SLC6A20: variants seen among roughly 807,000 people sequenced by gnomAD.
The protein encoded by SLC6A20 is solute carrier family 6 member 20.
Under a neutral mutation model 64.3 loss-of-function variants are expected in SLC6A20, and 73 were observed. The ratio of observed to expected loss-of-function variants is 1.14; its 90% confidence interval spans 0.94 to 1.38. The LOEUF (loss-of-function observed/expected upper bound fraction) is 1.38, where lower values mean the gene tolerates loss of function less well. SLC6A20 is among the 40% of genes most tolerant of loss of function. The pLI is 0.00. For synonymous variants in SLC6A20, 347 were observed against 329.6 expected, an observed-to-expected ratio of 1.05 and a Z score of -0.57; for missense variants, 725 against 772.8, an observed-to-expected ratio of 0.94 and a Z score of 0.73.
intron 1 of SLC6A20, among the ~76,000 whole-genome samples, chr3:45,792,585 C>T (rs917966259): frequency 3.9e-5 from 6 of 152,180 alleles, no homozygotes; most frequent in Non-Finnish European, 8.8e-5. Context: ...ACCCACTTTA[C>T]AGGTAAACAG....
At chr3:45,767,773 G>A (rs1053112077) in intron 7 of SLC6A20, among the ~76,000 whole-genome samples, 1 of 152,280 alleles carries the variant, frequency 6.6e-6, no homozygotes, top group East Asian at 1.9e-4. Context: ...AAGACGAAGA[G>A]AAGATCATGA....
Position 45,789,293 on chromosome 3 carries a change from A to G in SLC6A20, c.121+7006T>C, listed in dbSNP as rs1485374241. 2.6e-5 allele frequency among the ~76,000 whole-genome samples: 4 copies of G among 152,390 alleles called. No individual in the cohort carries two copies. The South Asian group carries it at 8.3e-4, about 32-fold the overall frequency. Reference sequence around the variant, plus strand: ...AAAAAAAGTGAAGAATATATACTTCATAATGTAAAAGATCAAAACAAAATC... The same window carrying G: ...AAAAAAAGTGAAGAATATATACTTCGTAATGTAAAAGATCAAAACAAAATC... On this transcript the variant is annotated intron_variant, in intron 1 of 10. Coordinates refer to ENST00000358525, the MANE Select transcript of SLC6A20 (RefSeq NM_020208.4).
chr3:45,770,399 T>C (rs780646299), intron 6 of SLC6A20, 28 bp from the exon 7 acceptor site: 1 of 1,609,702 alleles, frequency 6.2e-7, no homozygotes, highest in African/African-American at 1.3e-5. Flanking sequence ...GGATCGACCT[T>C]CACTGATCAG....
chr3:45,771,561 C>T (rs764211073), intron 5 of SLC6A20, 103 bp from the exon 6 acceptor site: 11 of 1,545,604 alleles, frequency 7.1e-6, no homozygotes, highest in African/African-American at 2.7e-5. Flanking sequence ...AGCTCACCTA[C>T]AGCACGCAGC....
At chr3:45,796,156 C>T (rs1163225262) in intron 1 of SLC6A20, 143 bp downstream of exon 1, 2 of 1,461,224 alleles carry the variant, frequency 1.4e-6, no homozygotes, top group African/African-American at 1.4e-5. Flanking sequence ...TGGGAACACT[C>T]CCGGGTCTGT....
intron 1 of SLC6A20, among the ~76,000 whole-genome samples, chr3:45,787,738 C>A (rs1700193629): frequency 6.6e-6 from 1 of 152,182 alleles, no homozygotes; most frequent in Non-Finnish European, 1.5e-5. Flanking sequence ...ACCTCCAACT[C>A]CTAAACAGTC....
At position 45,756,192 on chromosome 3, in the gene SLC6A20, C is replaced by CTT. The variant is rs1699539677; in HGVS notation, c.*2784_*2785dup. The CTT allele has an allele frequency of 6.6e-6, 1 of 152,182 alleles. No individual in the cohort carries two copies. 9.4% of individuals were successfully genotyped at this position (152,182 alleles called of 1,614,324 possible). A position where few individuals can be genotyped will look rare whatever the true frequency, so the allele number is the denominator to read the frequency against. Reference sequence around the variant, plus strand: ...TAAGGTAATGATCTAGGACATTTATCTTTTCACTCCTGAGGCTACCTGGTA... The same window carrying CTT: ...TAAGGTAATGATCTAGGACATTTATCTTTTTTCACTCCTGAGGCTACCTGGTA... On this transcript the variant is annotated 3_prime_UTR_variant, in exon 11 of 11. Coordinates refer to ENST00000358525, the MANE Select transcript of SLC6A20 (RefSeq NM_020208.4).
At chr3:45,772,474 G>A (rs368171431) in intron 5 of SLC6A20, 31 bp downstream of exon 5, 1 of 1,577,274 alleles carries the variant, frequency 6.3e-7, no homozygotes, top group Non-Finnish European at 8.7e-7. Context: ...AGTGAGGGGT[G>A]CCCGTAGGGC....
chr3:45,760,650 G>A (rs1559560952), intron 9 of SLC6A20, among the ~76,000 whole-genome samples: 1 of 152,238 alleles, frequency 6.6e-6, no homozygotes, highest in African/African-American at 2.4e-5. Context: ...CATGCCTGTA[G>A]CTCTCTTTTC....
chr3:45,774,686 G>A (rs1368527578), intron 4 of SLC6A20, among the ~76,000 whole-genome samples: 3 of 152,196 alleles, frequency 2.0e-5, no homozygotes, highest in African/African-American at 4.8e-5. Context: ...GGGGTGGGGT[G>A]TGGCTGGAGG....
chr3:45,785,005 T>C (rs61326579), intron 1 of SLC6A20, among the ~76,000 whole-genome samples: 134 of 152,366 alleles, frequency 8.8e-4, no homozygotes, highest in Middle Eastern at 3.4e-3. Context: ...AGAGTCCTCA[T>C]GACCTAATCA....
At position 45,757,913 on chromosome 3, in the gene SLC6A20, CTTTTTTTTTT is replaced by C. The variant is rs774194927; in HGVS notation, c.*1055_*1064del. On this transcript the variant is annotated 3_prime_UTR_variant, in exon 11 of 11. Transcript: ENST00000358525. Reference sequence around the variant, plus strand: ...TAAGCCTATGGGAAAGTCAGAGCCACTTTTTTTTTTTTTTTTTTTTGAGTCAGAGTCTTGC... The same window carrying C: ...TAAGCCTATGGGAAAGTCAGAGCCACTTTTTTTTTTGAGTCAGAGTCTTGC... 8.4e-6 allele frequency: 1 copy of C among 118,918 alleles called. No homozygotes were observed. The highest frequency in any genetic ancestry group is 1.7e-5 in the Non-Finnish European group (1 of 59,878). 7.4% of individuals were successfully genotyped at this position (118,918 alleles called of 1,614,324 possible).
chr3:45,777,230 G>C (rs963937647), intron 3 of SLC6A20, among the ~76,000 whole-genome samples: 12 of 152,206 alleles, frequency 7.9e-5, no homozygotes, highest in African/African-American at 2.9e-4. Flanking sequence ...ATGGGTCATG[G>C]CTACTGTGCC....
rs1699768242 is a variant in SLC6A20, at chr3:45,765,825, A to G, written c.1099-84T>C. The G allele has an allele frequency of 6.8e-7, 1 of 1,467,340 alleles. No homozygotes were observed. Among genetic ancestry groups the G allele is most frequent in the Non-Finnish European group, 9.4e-7 (1 of 1,064,380 alleles). The allele number at this position is 1,467,340 out of a possible 1,614,324, so 90.9% of individuals were successfully genotyped here. A position where few individuals can be genotyped will look rare whatever the true frequency, so the allele number is the denominator to read the frequency against. On this transcript the variant is annotated intron_variant, in intron 7 of 10. Transcript: ENST00000358525. The surrounding 1 kb of genome is among the most constrained non-coding windows in gnomAD (Gnocchi z 4.2). ...CACTCAGTACTAAGCAACATGGGGG[A>G]CCTTGGAAGTGGCCATGAGAAGCCA...
chr3:45,765,829 T>C lies in SLC6A20; in HGVS notation c.1099-88A>G, dbSNP rs1699768320. The C allele has an allele frequency of 1.4e-6, 2 of 1,428,360 alleles. No individual in the cohort carries two copies. The highest frequency in any genetic ancestry group is 1.4e-5 in the African/African-American group (1 of 71,398). The allele number at this position is 1,428,360 out of a possible 1,614,324, so 88.5% of individuals were successfully genotyped here. ...CAGTACTAAGCAACATGGGGGACCT[T>C]GGAAGTGGCCATGAGAAGCCACATT... On this transcript the variant is annotated intron_variant, in intron 7 of 10. Coordinates refer to ENST00000358525, the MANE Select transcript of SLC6A20 (RefSeq NM_020208.4). The surrounding 1 kb of genome is among the most constrained non-coding windows in gnomAD (Gnocchi z 4.2).
intron 1 of SLC6A20, among the ~76,000 whole-genome samples, chr3:45,793,698 C>T (rs144935920): frequency 6.6e-6 from 1 of 152,210 alleles, no homozygotes; most frequent in African/African-American, 2.4e-5. Context: ...TTGGCACAGC[C>T]TGGCTCTGTG....
chr3:45,787,505 T>C (rs79643619), intron 1 of SLC6A20, among the ~76,000 whole-genome samples: 285 of 152,320 alleles, frequency 1.9e-3, no homozygotes, highest in African/African-American at 6.6e-3. Flanking sequence ...AGCTCTCCTC[T>C]TGTTCTCTGC....
chr3:45,777,355 T>C (rs1003819016), intron 3 of SLC6A20, among the ~76,000 whole-genome samples: 4 of 152,148 alleles, frequency 2.6e-5, no homozygotes, highest in African/African-American at 7.2e-5. Flanking sequence ...CCTATTGGAA[T>C]GTGTGAGCTG....
At position 45,796,445 on chromosome 3, in the gene SLC6A20, C is replaced by T. The variant is rs573525794; in HGVS notation, c.-26G>A. ...GGCCCCGGCCTCGGCGCGCTCGGCT[C>T]CGGCTCGGGGGTCCGGCACGGCAGT... On this transcript the variant is annotated 5_prime_UTR_variant, in exon 1 of 11. Transcript: ENST00000358525. 28 of 1,603,332 alleles carry T rather than the reference C, an allele frequency of 1.7e-5. No homozygotes were observed. The highest frequency in any genetic ancestry group is 2.3e-5 in the East Asian group (1 of 44,198).
Sources: gnomAD v4.1 joint callset for allele counts (sites outside exome capture counted in the v4.1 genomes callset) on GRCh38, gnomAD v4.1.1 for gene constraint, Gnocchi (gnomAD v3.1) non-coding constraint, MANE v1.5 for transcripts, NCBI Gene and HGNC (gene_info 2026-07-23, HGNC 2026-07-21) for gene names.